Variants in PLXNA4 observed in about 807,000 individuals in gnomAD.
PLXNA4 encodes plexin A4.
Under a neutral mutation model 191.8 loss-of-function variants are expected in PLXNA4, and 44 were observed. The ratio of observed to expected loss-of-function variants is 0.23; its 90% CI spans 0.18 to 0.29. The LOEUF is 0.29. PLXNA4 is among the 10% of genes least tolerant of loss of function. The pLI, the probability that PLXNA4 is intolerant of heterozygous loss-of-function variation, is 1.00. For synonymous variants in PLXNA4, 1,082 were observed against 1,009.5 expected, an observed-to-expected ratio of 1.07 and a Z score of -1.36; for missense variants, 1,800 against 2,488.8, an observed-to-expected ratio of 0.72 and a Z score of 5.89.
chr7:132,168,643 CTG>C (rs1338359007), intron 21 of PLXNA4, 71 bp from the exon 22 acceptor site: 24 of 1,500,390 alleles, frequency 1.6e-5, no homozygotes, highest in Non-Finnish European at 1.9e-5. Flanking sequence ...CACGGGATGG[CTG>C]TGCCCATATC....
chr7:132,257,805 G>T (rs908316699), intron 4 of PLXNA4, among the ~76,000 whole-genome samples: 2 of 152,314 alleles, frequency 1.3e-5, no homozygotes, highest in South Asian at 2.1e-4. Context: ...CATGTTTTCC[G>T]AGGCGTCTTT....
At chr7:132,188,689 AG>A (rs1796959148) in intron 14 of PLXNA4, among the ~76,000 whole-genome samples, 2 of 152,174 alleles carry the variant, frequency 1.3e-5, no homozygotes, top group African/African-American at 4.8e-5. Context: ...GCCAAGGAAT[AG>A]CTTGTCATTT....
At chr7:132,248,283 G>GCCT (rs1799129580) in intron 4 of PLXNA4, among the ~76,000 whole-genome samples, 1 of 152,184 alleles carries the variant, frequency 6.6e-6, no homozygotes, top group Non-Finnish European at 1.5e-5. Context: ...TGATGCAGCA[G>GCCT]CTTGAAGCAG....
At chr7:132,329,162 C>T (rs987309540) in intron 3 of PLXNA4, among the ~76,000 whole-genome samples, 1 of 152,168 alleles carries the variant, frequency 6.6e-6, no homozygotes, top group African/African-American at 2.4e-5. Context: ...GCCCAAAGGA[C>T]ACCTTTTTGT....
chr7:132,524,622 C>A (rs1207582415), intron 1 of PLXNA4, among the ~76,000 whole-genome samples: 1 of 152,202 alleles, frequency 6.6e-6, no homozygotes, highest in Non-Finnish European at 1.5e-5. Context: ...GTCACCCAGG[C>A]TGGAGTGCAG....
chr7:132,307,149 C>A (rs1483173693), intron 3 of PLXNA4, among the ~76,000 whole-genome samples: 1 of 152,116 alleles, frequency 6.6e-6, no homozygotes, highest in Non-Finnish European at 1.5e-5. Context: ...CTGCCAATAT[C>A]CCTACAACCC....
intron 3 of PLXNA4, among the ~76,000 whole-genome samples, chr7:132,308,696 AAAT>A (rs776510332): frequency 5.3e-5 from 8 of 152,156 alleles, no homozygotes; most frequent in Non-Finnish European, 1.0e-4. Flanking sequence ...TGAAAAACAG[AAAT>A]AATAACAATA....
chr7:132,233,503 T>A (rs1013246466), intron 5 of PLXNA4, among the ~76,000 whole-genome samples: 2 of 152,196 alleles, frequency 1.3e-5, no homozygotes, highest in Admixed American at 1.3e-4. Flanking sequence ...AATCCCAAGA[T>A]AGGAAGCCCA....
Position 132,179,829 on chromosome 7 carries a change from C to T in PLXNA4, c.3732G>A (p.Val1244=). Residue 1244 remains valine (V), a synonymous_variant, in exon 20 of 32, where the codon GTG becomes GTA. Coordinates refer to ENST00000321063, the MANE Select transcript of PLXNA4 (RefSeq NM_020911.2). ...TGAAAATGATGAGGAGGCCGCCAGCCACTGCGATGCTGACGATGGCGGGCA... is the reference window on the plus strand; with the variant it reads ...TGAAAATGATGAGGAGGCCGCCAGCTACTGCGATGCTGACGATGGCGGGCA... ...LSLPAIVSIA[V]AGGLLIIFIV... is the part of the protein sequence containing the mutation. 1 of 1,613,550 alleles carries T rather than the reference C, an allele frequency of 6.2e-7. No individual in the cohort carries two copies. The highest frequency in any genetic ancestry group is 8.5e-7 in the Non-Finnish European group (1 of 1,179,924).
At chr7:132,626,591 C>T (rs1019060537) in intron 2 of PLXNA4, among the ~76,000 whole-genome samples, 5 of 152,190 alleles carry the variant, frequency 3.3e-5, no homozygotes, top group African/African-American at 9.7e-5. Context: ...GCTCCTGCTC[C>T]GGCCATGTAA....
At chr7:132,398,403 C>T (rs979257508) in intron 3 of PLXNA4, among the ~76,000 whole-genome samples, 6 of 152,302 alleles carry the variant, frequency 3.9e-5, no homozygotes, top group African/African-American at 1.4e-4. Flanking sequence ...AGGTTCTATT[C>T]GTGTCGCAAC....
chr7:132,561,519 TCTC>T lies in PLXNA4; in HGVS notation c.-87+14900_-87+14902del, dbSNP rs1356804974. 1.4e-3 allele frequency among the ~76,000 whole-genome samples: 73 copies of T among 50,904 alleles called. 1 individual carries two copies. The highest frequency in any genetic ancestry group is 5.3e-3 in the African/African-American group (57 of 10,660). The allele number at this position is 50,904 out of a possible 152,430, so 33.4% of individuals were successfully genotyped here. ...TCCTCCCCCACCTCCTCCTCCTCCT[TCTC>T]CTCCTCCTCCTTCTCCTCCTCCTTC... On this transcript the variant is annotated intron_variant, in intron 1 of 31. Transcript: ENST00000321063.
intron 4 of PLXNA4, among the ~76,000 whole-genome samples, chr7:132,268,289 T>C (rs1302323772): frequency 3.3e-5 from 5 of 152,182 alleles, no homozygotes; most frequent in Admixed American, 3.3e-4. Flanking sequence ...TAAAACTATT[T>C]TATGCTTGCC....
chr7:132,140,940 G>T, intron 29 of PLXNA4, 129 bp from the exon 30 acceptor site: 1 of 1,453,090 alleles, frequency 6.9e-7, no homozygotes. Flanking sequence ...TCTCTATGCT[G>T]CGGATGGGAT....
At chr7:132,297,375 G>A (rs1028159084) in intron 4 of PLXNA4, among the ~76,000 whole-genome samples, 1 of 152,182 alleles carries the variant, frequency 6.6e-6, no homozygotes, top group African/African-American at 2.4e-5. Flanking sequence ...ATACATGGAT[G>A]TCCAAGGTGA....
chr7:132,429,882 T>A (rs1246118906), intron 3 of PLXNA4, among the ~76,000 whole-genome samples: 1 of 152,184 alleles, frequency 6.6e-6, no homozygotes, highest in Non-Finnish European at 1.5e-5. Flanking sequence ...CAGGAAATCA[T>A]CCTACGAGGT....
intron 3 of PLXNA4, among the ~76,000 whole-genome samples, chr7:132,434,140 A>G (rs569672625): frequency 6.6e-6 from 1 of 151,950 alleles, no homozygotes; most frequent in Admixed American, 6.5e-5. Context: ...TTCCGTTCCT[A>G]TTTCCTCAGT....
intron 3 of PLXNA4, among the ~76,000 whole-genome samples, chr7:132,485,622 T>C (rs1212905883): frequency 6.6e-6 from 1 of 152,232 alleles, no homozygotes; most frequent in Non-Finnish European, 1.5e-5. Flanking sequence ...CCAGTCAAGA[T>C]GGCATTTGCC....
chr7:132,568,528 C>T (rs1265042118), intron 1 of PLXNA4, among the ~76,000 whole-genome samples: 3 of 152,148 alleles, frequency 2.0e-5, no homozygotes, highest in African/African-American at 7.2e-5. Flanking sequence ...CCCAGACTCC[C>T]AATTTATGTA....
Sources: gnomAD v4.1 joint callset for allele counts (sites outside exome capture counted in the v4.1 genomes callset) on GRCh38, gnomAD v4.1.1 for gene constraint, MANE v1.5 for transcripts, NCBI Gene and HGNC (gene_info 2026-07-23, HGNC 2026-07-21) for gene names.